The following HSD17B4 variants were observed in gnomAD, a reference collection of about 807,000 sequenced individuals.
HSD17B4 encodes the protein peroxisomal multifunctional enzyme type 2.
A neutral mutation model predicts 101.0 loss-of-function variants in HSD17B4; 70 were observed. That is an observed-to-expected ratio of 0.69 (90% CI 0.57 to 0.85). The LOEUF (loss-of-function observed/expected upper bound fraction) is 0.85, where lower values mean the gene tolerates loss of function less well. Among genes scored for constraint, HSD17B4 ranks in the 40% least tolerant of loss-of-function variants. HSD17B4 has a pLI of 0.00. For synonymous variants in HSD17B4, 347 were observed against 297.1 expected (o/e 1.17, Z -1.73); for missense variants, 984 against 892.4 (o/e 1.10, Z -1.31).
chr5:119,517,889 TG>T (rs1402902866), intron 17 of HSD17B4, among the ~76,000 whole-genome samples: 9 of 152,300 alleles, frequency 5.9e-5, no homozygotes, highest in Admixed American at 6.5e-5. Context: ...TTAGCTACTC[TG>T]GTGGGGCCTT....
chr5:119,538,869 G>A (rs1754748984), intron 23 of HSD17B4, among the ~76,000 whole-genome samples: 1 of 151,982 alleles, frequency 6.6e-6, no homozygotes, highest in Non-Finnish European at 1.5e-5. Flanking sequence ...TTTATAACAG[G>A]CTTTAATTAT....
Position 119,496,550 on chromosome 5 carries a change from T to G in HSD17B4, c.876T>G (p.Thr292=), listed in dbSNP as rs1157219940. ...TTTCATTTTTCATTTTAGAATCAAC[T>G]GGCAGTATAATTGAAGTTCTGAGTA... ...ASKPQSIQES[T]GSIIEVLSKI... The change falls in exon 12 of 24, where the codon ACT becomes ACG. Residue 292 remains threonine, a synonymous_variant. Coordinates refer to ENST00000510025, the MANE Select transcript of HSD17B4 (RefSeq NM_000414.4). The G allele has an allele frequency of 1.3e-6, 2 of 1,537,278 alleles. No homozygotes were observed. Among genetic ancestry groups the G allele is most frequent in the Admixed American group, 1.7e-5 (1 of 59,886 alleles).
At chr5:119,517,311 G>A (rs529401228) in intron 17 of HSD17B4, among the ~76,000 whole-genome samples, 197 of 152,318 alleles carry the variant, frequency 1.3e-3, no homozygotes, top group African/African-American at 4.5e-3. Context: ...TGCTGTGCTC[G>A]ATTTCTCGCT....
At chr5:119,487,154 G>A (rs916701607) in intron 8 of HSD17B4, 5 of 151,764 alleles carry the variant, frequency 3.3e-5, no homozygotes, top group African/African-American at 1.2e-4. Flanking sequence ...CTATCTCTGA[G>A]TACCTAGGTA....
chr5:119,489,160 TTGA>T, intron 8 of HSD17B4, 29 bp from the exon 9 acceptor site: 1 of 1,353,758 alleles, frequency 7.4e-7, no homozygotes, highest in African/African-American at 1.4e-5. Context: ...AGTAAAATGA[TTGA>T]TAAGATATGT....
rs774382073 is a variant in HSD17B4, at chr5:119,509,226, G to A, written c.1419G>A (p.Arg473=). The A allele has an allele frequency of 6.2e-7, 1 of 1,601,404 alleles. No homozygotes were observed. Among genetic ancestry groups the A allele is most frequent in the East Asian group, 2.2e-5 (1 of 44,810 alleles). ...GCTCTGGAGGCTTTGGTGGAAAACG[G>A]ACATCAGACAAAGTCAAGGTAAGCC... is the stretch of plus-strand genomic sequence containing the variant. The part of the protein sequence containing the change: ...LVGSGGFGGK[R]TSDKVKVAVA... The change falls in exon 16 of 24, where the codon CGG becomes CGA. Residue 473 remains arginine (R), a synonymous_variant. Transcript: ENST00000510025.
intron 13 of HSD17B4, among the ~76,000 whole-genome samples, chr5:119,501,817 A>G (rs1751192473): frequency 6.6e-6 from 1 of 152,182 alleles, no homozygotes; most frequent in African/African-American, 2.4e-5. Flanking sequence ...CCAAGAAAGA[A>G]CACAAATATA....
chr5:119,498,039 A>C (rs1484533504), intron 12 of HSD17B4, among the ~76,000 whole-genome samples: 1 of 152,220 alleles, frequency 6.6e-6, no homozygotes, highest in Non-Finnish European at 1.5e-5. Context: ...ATTGAGTCAG[A>C]AATTCGAGAA....
intron 2 of HSD17B4, among the ~76,000 whole-genome samples, chr5:119,464,350 G>C (rs1460054115): frequency 6.6e-6 from 1 of 152,004 alleles, no homozygotes; most frequent in Non-Finnish European, 1.5e-5. Context: ...AATAAATTTT[G>C]TGTTGATTTT....
chr5:119,476,769 C>G, intron 6 of HSD17B4: 5 of 872,582 alleles, frequency 5.7e-6, no homozygotes, highest in Non-Finnish European at 6.9e-6. Flanking sequence ...CTACTCCTGA[C>G]TACCCTTCTC....
chr5:119,513,327 A>G (rs1034676347), intron 16 of HSD17B4, among the ~76,000 whole-genome samples: 20 of 152,194 alleles, frequency 1.3e-4, no homozygotes, highest in Non-Finnish European at 4.4e-5. Context: ...GCTATATTAG[A>G]TGAAGTAAAT....
chr5:119,526,304 G>A (rs900671495), intron 19 of HSD17B4, among the ~76,000 whole-genome samples: 1 of 86,282 alleles, frequency 1.2e-5, no homozygotes, highest in Non-Finnish European at 2.4e-5. Flanking sequence ...ATATCAGTAC[G>A]TATGCCTTGA....
intron 12 of HSD17B4, among the ~76,000 whole-genome samples, chr5:119,498,044 C>G (rs1250164069): frequency 6.6e-6 from 1 of 152,074 alleles, no homozygotes; most frequent in South Asian, 2.1e-4. Flanking sequence ...GTCAGAAATT[C>G]GAGAACAATT....
chr5:119,533,964 A>G (rs1260453042), intron 22 of HSD17B4, among the ~76,000 whole-genome samples: 1 of 151,726 alleles, frequency 6.6e-6, no homozygotes, highest in Admixed American at 6.6e-5. Flanking sequence ...GGCAAAGACA[A>G]TCCTATACTT....
chr5:119,500,845 G>A (rs1009243394), intron 13 of HSD17B4, among the ~76,000 whole-genome samples: 5 of 152,146 alleles, frequency 3.3e-5, no homozygotes, highest in Non-Finnish European at 7.4e-5. Flanking sequence ...ACAGTGGTGA[G>A]AAGTTCTTTG....
At chr5:119,527,613 C>G (rs1580701891) in intron 20 of HSD17B4, among the ~76,000 whole-genome samples, 1 of 152,030 alleles carries the variant, frequency 6.6e-6, no homozygotes, top group East Asian at 1.9e-4. Context: ...TGACAGAAAT[C>G]TATCTGACTC....
chr5:119,505,177 A>C (rs1419541480), intron 14 of HSD17B4, among the ~76,000 whole-genome samples: 1 of 134,924 alleles, frequency 7.4e-6, no homozygotes, highest in Admixed American at 7.7e-5. Context: ...AGTTAATATG[A>C]TACTTCCAGC....
Position 119,515,023 on chromosome 5 carries a change from A to G in HSD17B4, c.1480A>G (p.Thr494Ala). 3 of 1,583,968 alleles carry G rather than the reference A, an allele frequency of 1.9e-6. No homozygotes were observed. In the South Asian group the frequency reaches 3.3e-5, roughly 18 times the overall value. The change falls in exon 17 of 24, where the codon ACA (threonine) becomes GCA (alanine). Residue 494 changes from threonine to alanine, a missense_variant. By Grantham distance (58) the Thr-to-Ala change is moderately conservative. Transcript: ENST00000510025. ...IPNRPPDAVL[T>A]DTTSLNQAAL... is the part of the protein sequence containing the mutation. Reference sequence around the variant, plus strand: ...TAATAGACCTCCTGATGCTGTACTTACAGATACCACCTCTCTTAATCAGGT... The same window carrying G: ...TAATAGACCTCCTGATGCTGTACTTGCAGATACCACCTCTCTTAATCAGGT...
chr5:119,484,244 A>G (rs141143335), intron 8 of HSD17B4, among the ~76,000 whole-genome samples: 1 of 152,246 alleles, frequency 6.6e-6, no homozygotes, highest in East Asian at 1.9e-4. Flanking sequence ...TCAAGAATCT[A>G]ATTCTTTTGT....
Sources: allele counts gnomAD v4.1 joint callset (sites outside exome capture counted in the v4.1 genomes callset), GRCh38; gene constraint gnomAD v4.1.1; transcripts MANE v1.5; gene names NCBI Gene and HGNC (gene_info 2026-07-23, HGNC 2026-07-21).